The following ANKFY1 variants were observed in gnomAD, a reference collection of about 807,000 sequenced individuals.
ANKFY1 encodes the protein ankyrin repeat and FYVE domain containing 1, also known as ankyrin repeat and FYVE domain-containing protein 1.
ANKFY1 carries 47 observed loss-of-function variants against 128.3 expected under a neutral mutation model. The ratio of observed to expected loss-of-function variants is 0.37; its 90% CI spans 0.29 to 0.47. ANKFY1 has a LOEUF of 0.47. ANKFY1 is among the 20% of genes least tolerant of loss of function. The pLI, the probability that ANKFY1 is intolerant of heterozygous loss-of-function variation, is 1.00. For synonymous variants in ANKFY1, 553 were observed against 601.6 expected (o/e 0.92, Z 1.18); for missense variants, 1,222 against 1,510.6 (o/e 0.81, Z 3.17).
intron 1 of ANKFY1, among the ~76,000 whole-genome samples, chr17:4,259,571 C>T (rs575773086): frequency 2.0e-5 from 3 of 152,290 alleles, no homozygotes; most frequent in East Asian, 3.9e-4. Context: ...CGTGAGCCAC[C>T]GTGCCCGGCC....
intron 3 of ANKFY1, among the ~76,000 whole-genome samples, chr17:4,224,446 T>A (rs570469986): frequency 3.9e-5 from 6 of 152,132 alleles, no homozygotes; most frequent in Non-Finnish European, 8.8e-5. Context: ...ATGGTGAAGT[T>A]TTTTTAATGT....
chr17:4,238,300 G>A (rs552835634), intron 2 of ANKFY1, among the ~76,000 whole-genome samples: 2 of 152,104 alleles, frequency 1.3e-5, no homozygotes, highest in Admixed American at 1.3e-4. Flanking sequence ...CATGTTATGG[G>A]ATAAAGGTAT....
intron 3 of ANKFY1, among the ~76,000 whole-genome samples, chr17:4,232,241 C>T (rs1007569053): frequency 6.6e-6 from 1 of 152,146 alleles, no homozygotes; most frequent in Non-Finnish European, 1.5e-5. Flanking sequence ...TTTACAAGAA[C>T]CTATTTCCAA....
intron 11 of ANKFY1, chr17:4,188,374 A>G (rs907607245): frequency 1.3e-5 from 2 of 152,240 alleles, no homozygotes; most frequent in African/African-American, 4.8e-5. Context: ...TGCCTTGCCC[A>G]GTGCTGTTGA....
At chr17:4,179,413 G>A (rs2059468914) in intron 17 of ANKFY1, 1 of 517,344 alleles carries the variant, frequency 1.9e-6, no homozygotes, top group South Asian at 2.4e-5. Context: ...GGGTGCTCAA[G>A]TGAGCTACTG....
intron 13 of ANKFY1, 117 bp downstream of exon 13, chr17:4,183,695 T>G: frequency 4.9e-6 from 7 of 1,415,934 alleles, no homozygotes; most frequent in Non-Finnish European, 5.8e-6. Flanking sequence ...GAAATGTTAT[T>G]TTACAACCAA....
chr17:4,189,410 C>A lies in ANKFY1; in HGVS notation c.1442G>T (p.Gly481Val). 1 of 1,590,464 alleles carries A rather than the reference C, an allele frequency of 6.3e-7. No individual in the cohort carries two copies. The highest frequency in any genetic ancestry group is 2.3e-5 in the East Asian group (1 of 44,272). ...EAAALFLATN[G>V]AHVNHRNKWG... The stretch of plus-strand genomic sequence containing the variant: ...CTTGTTTCTGTGGTTGACATGGGCA[C>A]CGTTGGTTGCCAGGAAAAGAGCTGC... Residue 481 changes from glycine (G) to valine (V), a missense_variant, in exon 11 of 25, where the codon GGT becomes GTT. Coordinates refer to ENST00000341657, the MANE Select transcript of ANKFY1 (RefSeq NM_001330063.2).
intron 4 of ANKFY1, among the ~76,000 whole-genome samples, chr17:4,210,829 C>T (rs1011442021): frequency 6.7e-6 from 1 of 149,564 alleles, no homozygotes. Context: ...GTCAGGAGCT[C>T]GAGACCAGCC....
rs2059584217 is a variant in ANKFY1, at chr17:4,184,937, A to G, written c.1580T>C (p.Leu527Pro). ...GGTCAGGGATGCGGCCTCCTTTGGC[A>G]GAGGCAGAGCTTCCTCCGTCTGCAG... ...PNLQTEEALP[L>P]PKEAASLTSL... Residue 527 changes from leucine (L) to proline (P), a missense_variant, in exon 12 of 25, where the codon CTG becomes CCG. Transcript: ENST00000341657. The G allele has an allele frequency of 6.2e-7, 1 of 1,614,094 alleles. No individual in the cohort carries two copies. Among genetic ancestry groups the G allele is most frequent in the Non-Finnish European group, 8.5e-7 (1 of 1,180,036 alleles).
chr17:4,181,311 A>T lies in ANKFY1; in HGVS notation c.2183T>A (p.Leu728His), dbSNP rs1051817604. The T allele has an allele frequency of 6.2e-7, 1 of 1,614,086 alleles. No individual in the cohort carries two copies. Among genetic ancestry groups the T allele is most frequent in the Non-Finnish European group, 8.5e-7 (1 of 1,180,048 alleles). The change falls in exon 16 of 25, where the codon CTC (leucine) becomes CAC (histidine). Residue 728 changes from leucine to histidine, a missense_variant. Transcript: ENST00000341657. The surrounding 1 kb of genome is among the most constrained non-coding windows in gnomAD (Gnocchi z 4.9). ...GTTTTCATCAATGGCTCTGTGCAGGAGCGTCTGAAGGCACCCACCAGGTCC... is the reference window on the plus strand; with the variant it reads ...GTTTTCATCAATGGCTCTGTGCAGGTGCGTCTGAAGGCACCCACCAGGTCC... Reference protein sequence around the residue: ...GPGPGGCLQTLLHRAIDENNE... With the variant: ...GPGPGGCLQTHLHRAIDENNE...
intron 7 of ANKFY1, among the ~76,000 whole-genome samples, chr17:4,199,397 G>T (rs533653614): frequency 6.6e-6 from 1 of 152,214 alleles, no homozygotes; most frequent in Admixed American, 6.5e-5. Context: ...TCACCATGTT[G>T]CCCAGGCTGG....
intron 1 of ANKFY1, among the ~76,000 whole-genome samples, chr17:4,261,066 C>G (rs1015456798): frequency 2.6e-5 from 4 of 152,224 alleles, no homozygotes; most frequent in African/African-American, 9.6e-5. Context: ...TCTTGCCTTC[C>G]TTTGCATAGC....
intron 5 of ANKFY1, among the ~76,000 whole-genome samples, chr17:4,208,432 G>T (rs9906524): frequency 6.6e-6 from 1 of 151,874 alleles, no homozygotes; most frequent in Admixed American, 6.6e-5. Context: ...ACAGGAATGC[G>T]CCCCAAGGGA....
chr17:4,200,495 T>C (rs2059908482), intron 7 of ANKFY1, among the ~76,000 whole-genome samples: 1 of 152,236 alleles, frequency 6.6e-6, no homozygotes. Flanking sequence ...TCAGAGGTAC[T>C]TTCTGCAGAT....
chr17:4,227,521 G>A (rs2060445060), intron 3 of ANKFY1, among the ~76,000 whole-genome samples: 2 of 152,122 alleles, frequency 1.3e-5, no homozygotes, highest in African/African-American at 4.8e-5. Context: ...TACTCAAATT[G>A]ATAAAGCGTA....
chr17:4,255,619 AAG>A (rs1177647993), intron 1 of ANKFY1, among the ~76,000 whole-genome samples: 3 of 152,172 alleles, frequency 2.0e-5, no homozygotes, highest in South Asian at 4.1e-4. Context: ...CATTAGATAA[AAG>A]AGAAATGATT....
chr17:4,195,386 C>A lies in ANKFY1; in HGVS notation c.1172+17G>T, dbSNP rs201624841. The A allele has an allele frequency of 1.2e-6, 2 of 1,611,142 alleles. No homozygotes were observed. The highest frequency in any genetic ancestry group is 8.5e-7 in the Non-Finnish European group (1 of 1,178,498). On this transcript the variant is annotated intron_variant, in intron 9 of 24. Transcript: ENST00000341657. ...CCTCACAACCGCCTTCTCACTTGTG[C>A]GTGTCTCCCTACGTACTGTTTGCAC...
intron 10 of ANKFY1, among the ~76,000 whole-genome samples, chr17:4,190,535 T>G (rs1410305960): frequency 6.6e-6 from 1 of 152,230 alleles, no homozygotes; most frequent in African/African-American, 2.4e-5. Flanking sequence ...CTTGGCTGGA[T>G]GACCATTTTG....
intron 8 of ANKFY1, among the ~76,000 whole-genome samples, chr17:4,195,982 C>T (rs1467981727): frequency 1.3e-5 from 2 of 151,210 alleles, no homozygotes; most frequent in Non-Finnish European, 3.0e-5. Context: ...AACACACACA[C>T]ACACACACCC....
Sources: allele counts gnomAD v4.1 joint callset (sites outside exome capture counted in the v4.1 genomes callset), GRCh38; gene constraint gnomAD v4.1.1; non-coding constraint Gnocchi (gnomAD v3.1); transcripts MANE v1.5; gene names NCBI Gene and HGNC (gene_info 2026-07-23, HGNC 2026-07-21).